Variants in APPL1 observed in about 807,000 individuals in gnomAD.
APPL1 encodes DCC-interacting protein 13-alpha.
APPL1 carries 42 observed loss-of-function variants against 106.8 expected under a neutral mutation model. The ratio of observed to expected loss-of-function variants is 0.39; its 90% CI spans 0.31 to 0.51. APPL1 has a LOEUF of 0.51. Among genes scored for constraint, APPL1 ranks in the 20% least tolerant of loss-of-function variants. APPL1 has a pLI of 0.75. For missense variants in APPL1, 769 were observed against 858.2 expected (o/e 0.90, Z 1.30); for synonymous variants, 263 against 281.8 (o/e 0.93, Z 0.67).
In APPL1 at chr3:57,271,386, TA is replaced by T. The variant is rs1227703824; in HGVS notation, c.*1704del. On this transcript the variant is annotated 3_prime_UTR_variant, in exon 22 of 22. Coordinates refer to ENST00000288266, the MANE Select transcript of APPL1 (RefSeq NM_012096.3). ...GTAGAAATTTATGAAATACTTTTGA[TA>T]AAAAGTTTATTTTGTGCTTACCAAA... The T allele has an allele frequency of 6.6e-6, 1 of 152,660 alleles. No homozygotes were observed. The highest frequency in any genetic ancestry group is 1.5e-5 in the Non-Finnish European group (1 of 68,034). The allele number at this position is 152,660 out of a possible 1,614,324, so 9.5% of individuals were successfully genotyped here. A position where few individuals can be genotyped will look rare whatever the true frequency, so the allele number is the denominator to read the frequency against.
At chr3:57,260,820 G>T in intron 19 of APPL1, 46 bp downstream of exon 19, 3 of 1,468,114 alleles carry the variant, frequency 2.0e-6, no homozygotes, top group East Asian at 2.4e-5. Context: ...CTTACTAATT[G>T]ATTCTTACTA....
intron 19 of APPL1, among the ~76,000 whole-genome samples, chr3:57,264,144 G>A (rs2060882682): frequency 6.6e-6 from 1 of 152,084 alleles, no homozygotes; most frequent in African/African-American, 2.4e-5. Flanking sequence ...GTGATGTTGA[G>A]GACCTTTTCA....
intron 9 of APPL1, 123 bp downstream of exon 9, chr3:57,247,600 T>A: frequency 1.5e-6 from 1 of 660,096 alleles, no homozygotes; most frequent in Non-Finnish European, 2.5e-6. Context: ...CATGAGAGTT[T>A]CTTATGTGGT....
chr3:57,239,814 G>A (rs1371534863), intron 4 of APPL1, among the ~76,000 whole-genome samples: 1 of 151,986 alleles, frequency 6.6e-6, no homozygotes, highest in Admixed American at 6.6e-5. Flanking sequence ...AATGTAGGAG[G>A]GTTCCAGTTT....
At chr3:57,229,699 CTTTTTTTTTTTTTTTT>C (rs753258836) in intron 1 of APPL1, among the ~76,000 whole-genome samples, 2 of 93,138 alleles carry the variant, frequency 2.1e-5, no homozygotes, top group African/African-American at 4.7e-5. Context: ...ACTGTGCCAG[CTTTTTTTTTTTTTTTT>C]TTTTTTTTTT....
At position 57,260,709 on chromosome 3, in the gene APPL1, G is replaced by A. The variant is rs1379394935; in HGVS notation, c.1777G>A (p.Gly593Arg). 1.9e-6 allele frequency: 3 copies of A among 1,612,786 alleles called. No individual in the cohort carries two copies. The highest frequency in any genetic ancestry group is 1.7e-6 in the Non-Finnish European group (2 of 1,179,238). Reference sequence around the variant, plus strand: ...TGGATTTGTTCTTCGGACATCAAGCGGGAGAAGTGAAAGTAATCTGTCATC... The same window carrying A: ...TGGATTTGTTCTTCGGACATCAAGCAGGAGAAGTGAAAGTAATCTGTCATC... ...LFGFVLRTSSGRSESNLSSVC... is the reference protein window; with the variant it reads ...LFGFVLRTSSRRSESNLSSVC... Residue 593 changes from glycine (G) to arginine (R), a missense_variant, in exon 19 of 22, where the codon GGG (glycine) becomes AGG (arginine). Transcript: ENST00000288266.
At chr3:57,237,432 A>G in intron 2 of APPL1, 60 bp from the exon 3 acceptor site, 1 of 1,179,944 alleles carries the variant, frequency 8.5e-7, no homozygotes, top group Non-Finnish European at 1.2e-6. Flanking sequence ...TAGGTATTTA[A>G]TTAGAAAAAA....
chr3:57,234,034 A>T (rs1489227534), intron 1 of APPL1, among the ~76,000 whole-genome samples: 2 of 152,162 alleles, frequency 1.3e-5, no homozygotes, highest in African/African-American at 4.8e-5. Flanking sequence ...CAGTGAGCCG[A>T]GATCATGTTA....
Position 57,240,368 on chromosome 3 carries a change from T to C in APPL1, c.286-97T>C. The stretch of plus-strand genomic sequence containing the variant: ...TTTTAGTGTTTTCCTATATAAAATA[T>C]ATCAGAACCATTTTTACTAGATTAT... On this transcript the variant is annotated intron_variant, in intron 4 of 21. Transcript: ENST00000288266. 4 of 916,770 alleles carry C rather than the reference T, an allele frequency of 4.4e-6. No homozygotes were observed. The South Asian group carries it at 5.9e-5, about 14-fold the overall frequency. The allele number at this position is 916,770 out of a possible 1,614,324, so 56.8% of individuals were successfully genotyped here.
chr3:57,261,157 T>C (rs1279367052), intron 19 of APPL1, among the ~76,000 whole-genome samples: 1 of 152,174 alleles, frequency 6.6e-6, no homozygotes, highest in African/African-American at 2.4e-5. Context: ...TTCCACACTC[T>C]GCCTCCACGT....
At chr3:57,237,980 A>G (rs1017101512) in intron 3 of APPL1, 65 bp from the exon 4 acceptor site, 10 of 1,231,816 alleles carry the variant, frequency 8.1e-6, no homozygotes, top group African/African-American at 1.5e-5. Flanking sequence ...AATGTAAATT[A>G]TAGTAATGTC....
chr3:57,237,286 T>A (rs2060721502), intron 2 of APPL1, among the ~76,000 whole-genome samples: 1 of 152,230 alleles, frequency 6.6e-6, no homozygotes, highest in Non-Finnish European at 1.5e-5. Flanking sequence ...GGAACACTGC[T>A]GAATTCCTGG....
chr3:57,229,314 TCTC>T (rs2060672190), intron 1 of APPL1, among the ~76,000 whole-genome samples: 1 of 152,150 alleles, frequency 6.6e-6, no homozygotes, highest in African/African-American at 2.4e-5. Context: ...TTACCTTTCT[TCTC>T]TTACTTGGCT....
At chr3:57,256,871 A>C in intron 13 of APPL1, 86 bp from the exon 14 acceptor site, 1 of 1,024,818 alleles carries the variant, frequency 9.8e-7, no homozygotes, top group Non-Finnish European at 1.5e-6. Flanking sequence ...GTAACTCAGA[A>C]GCATTCTAAC....
chr3:57,243,407 GTAT>G (rs1369049488), intron 7 of APPL1, among the ~76,000 whole-genome samples: 1 of 152,204 alleles, frequency 6.6e-6, no homozygotes, highest in African/African-American at 2.4e-5. Flanking sequence ...AGAGTACAGA[GTAT>G]TAACAGGTTT....
chr3:57,227,889 G>T lies in APPL1; in HGVS notation c.6G>T (p.Pro2=). The change falls in exon 1 of 22, where the codon CCG becomes CCT. Residue 2 remains proline (P), a synonymous_variant. Coordinates refer to ENST00000288266, the MANE Select transcript of APPL1 (RefSeq NM_012096.3). ...ACCGCCCTCCCTCCGCCACGATGCC[G>T]GGGATCGACAAGCTGCCCATCGAGG... The part of the protein sequence containing the change: M[P]GIDKLPIEET... The T allele has an allele frequency of 1.4e-6, 2 of 1,468,426 alleles. No individual in the cohort carries two copies. The highest frequency in any genetic ancestry group is 2.2e-5 in the Admixed American group (1 of 45,278). 91.0% of individuals were successfully genotyped at this position (1,468,426 alleles called of 1,614,324 possible). A position where few individuals can be genotyped will look rare whatever the true frequency, so the allele number is the denominator to read the frequency against.
intron 13 of APPL1, 44 bp from the exon 14 acceptor site, chr3:57,256,913 C>A: frequency 1.3e-6 from 2 of 1,541,360 alleles, no homozygotes; most frequent in Non-Finnish European, 1.8e-6. Context: ...TTTTGGTTTG[C>A]TTACTTTACT....
At position 57,257,415 on chromosome 3, in the gene APPL1, G is replaced by A; in HGVS notation, c.1417G>A (p.Gly473Ser). Reference protein sequence around the residue: ...EDQPGQAKAFGQGGRRTNPFG... With the variant: ...EDQPGQAKAFSQGGRRTNPFG... ...TCAGCCTGGCCAGGCAAAAGCCTTT[G>A]GCCAGGGAGGCAGGTGGGTGATAGC... is the stretch of plus-strand genomic sequence containing the variant. The change falls in exon 15 of 22, where the codon GGC becomes AGC. Residue 473 changes from glycine (G) to serine (S), a missense_variant. By Grantham distance (56) the Gly-to-Ser change is moderately conservative. Transcript: ENST00000288266. 1 of 1,611,830 alleles carries A rather than the reference G, an allele frequency of 6.2e-7. No individual in the cohort carries two copies. The highest frequency in any genetic ancestry group is 1.3e-5 in the African/African-American group (1 of 74,962).
At position 57,257,887 on chromosome 3, in the gene APPL1, A is replaced by G. The variant is rs80014402; in HGVS notation, c.1430+459A>G. 8.1e-3 allele frequency among the ~76,000 whole-genome samples: 1,238 copies of G among 152,336 alleles called. 16 individuals carry two copies. Among genetic ancestry groups the G allele is most frequent in the African/African-American group, 0.028 (1,157 of 41,586 alleles). On this transcript the variant is annotated intron_variant, in intron 15 of 21. Transcript: ENST00000288266. ...GTCATTGTTTAGTTGTATGATGAATATTCTCACCAAAGCAGTTAAAATTTT... is the reference window on the plus strand; with the variant it reads ...GTCATTGTTTAGTTGTATGATGAATGTTCTCACCAAAGCAGTTAAAATTTT...
Sources: gnomAD v4.1 joint callset for allele counts (sites outside exome capture counted in the v4.1 genomes callset) on GRCh38, gnomAD v4.1.1 for gene constraint, MANE v1.5 for transcripts, NCBI Gene and HGNC (gene_info 2026-07-23, HGNC 2026-07-21) for gene names.